The following FGD4 variants were observed in gnomAD, a reference collection of about 807,000 sequenced individuals.
FGD4 encodes FYVE, RhoGEF and PH domain-containing protein 4.
In FGD4, 42 loss-of-function variants were observed where a neutral mutation model predicts 102.0. The ratio of observed to expected loss-of-function variants is 0.41; its 90% CI spans 0.32 to 0.53. FGD4 has a LOEUF of 0.53. Among genes scored for constraint, FGD4 ranks in the 20% least tolerant of loss-of-function variants. The pLI is 0.21. For synonymous variants in FGD4, 380 were observed against 375.7 expected, an observed-to-expected ratio of 1.01 and a Z score of -0.13; for missense variants, 902 against 1,078.2, an observed-to-expected ratio of 0.84 and a Z score of 2.29.
At chr12:32,442,504 G>A (rs1942475352) in intron 1 of FGD4, among the ~76,000 whole-genome samples, 1 of 151,340 alleles carries the variant, frequency 6.6e-6, no homozygotes, top group African/African-American at 2.4e-5. Context: ...GGTGGGGTGG[G>A]GTGATAGATG....
At chr12:32,599,534 C>CTTTT (rs764106230) in intron 5 of FGD4, among the ~76,000 whole-genome samples, 762 of 35,354 alleles carry the variant, frequency 0.022, 204 homozygotes, top group East Asian at 0.11. Flanking sequence ...ACTAAGGCAT[C>CTTTT]TTTTTTTTTT....
chr12:32,453,605 C>T lies in FGD4; in HGVS notation c.166+53646C>T, dbSNP rs531562366. ...GGCTGATAAATTTTGTGTGCTCATCCTACAGAGAAGCAAAATGGTGTTCAG... is the reference window on the plus strand; with the variant it reads ...GGCTGATAAATTTTGTGTGCTCATCTTACAGAGAAGCAAAATGGTGTTCAG... On this transcript the variant is annotated intron_variant, in intron 1 of 16. Coordinates refer to ENST00000534526, the MANE Select transcript of FGD4 (RefSeq NM_001370298.3). Among the ~76,000 whole-genome samples, 25 of 152,174 alleles carry T rather than the reference C, an allele frequency of 1.6e-4. No homozygotes were observed. The South Asian group carries it at 2.3e-3, about 14-fold the overall frequency.
intron 1 of FGD4, among the ~76,000 whole-genome samples, chr12:32,462,870 A>C (rs1943145129): frequency 6.6e-6 from 1 of 152,200 alleles, no homozygotes; most frequent in Non-Finnish European, 1.5e-5. Context: ...CAGTGAGAAC[A>C]ACAAGAAAAT....
chr12:32,506,977 G>A lies in FGD4; in HGVS notation c.167-57160G>A, dbSNP rs548737094. 7.2e-5 allele frequency among the ~76,000 whole-genome samples: 11 copies of A among 151,948 alleles called. No individual in the cohort carries two copies. Among genetic ancestry groups the A allele is most frequent in the Middle Eastern group, 3.4e-3 (1 of 292 alleles). ...AAGTTTTAGGGCACATGTGCACAAC[G>A]TGCAGGTTAGTTACATATGTATACA... On this transcript the variant is annotated intron_variant, in intron 1 of 16. Transcript: ENST00000534526. This position sits in a 1 kb window ranked among gnomAD's most constrained non-coding sequence, Gnocchi z 4.5.
Position 32,451,857 on chromosome 12 carries a change from A to T in FGD4, c.166+51898A>T, listed in dbSNP as rs945128366. ...CTCAAAAAAAAAAAAAAAAAAAAAAAAAAAAAAGTAAGTTACTACTTAAGA... is the reference window on the plus strand; with the variant it reads ...CTCAAAAAAAAAAAAAAAAAAAAAATAAAAAAAGTAAGTTACTACTTAAGA... On this transcript the variant is annotated intron_variant, in intron 1 of 16. Coordinates refer to ENST00000534526, the MANE Select transcript of FGD4 (RefSeq NM_001370298.3). Among the ~76,000 whole-genome samples the T allele has an allele frequency of 3.3e-5, 5 of 150,626 alleles. 1 individual carries two copies. Among genetic ancestry groups the T allele is most frequent in the African/African-American group, 1.2e-4 (5 of 41,136 alleles).
At chr12:32,526,193 A>C (rs1941177728) in intron 1 of FGD4, among the ~76,000 whole-genome samples, 1 of 152,222 alleles carries the variant, frequency 6.6e-6, no homozygotes, top group African/African-American at 2.4e-5. Flanking sequence ...TAAATACACC[A>C]ATCAGCACCC....
chr12:32,512,950 G>A (rs1052675753), intron 1 of FGD4, among the ~76,000 whole-genome samples: 1 of 152,174 alleles, frequency 6.6e-6, no homozygotes, highest in Non-Finnish European at 1.5e-5. Context: ...TCACATCAAA[G>A]TTAGGTAGAT....
intron 7 of FGD4, among the ~76,000 whole-genome samples, chr12:32,605,581 C>T (rs1948726551): frequency 6.6e-6 from 1 of 152,210 alleles, no homozygotes. Flanking sequence ...TAGGTACAAA[C>T]AGCTGAGCAT....
intron 1 of FGD4, among the ~76,000 whole-genome samples, chr12:32,509,394 C>A (rs1337794176): frequency 6.6e-6 from 1 of 151,878 alleles, no homozygotes; most frequent in African/African-American, 2.4e-5. Context: ...AAGAAGTCCT[C>A]AGGTGGTTAG....
chr12:32,568,508 G>C (rs918483191), intron 2 of FGD4, among the ~76,000 whole-genome samples: 1 of 151,356 alleles, frequency 6.6e-6, no homozygotes, highest in African/African-American at 2.5e-5. Context: ...ACTCAAAATA[G>C]CTCCTTTAGT....
intron 10 of FGD4, among the ~76,000 whole-genome samples, chr12:32,615,646 G>A (rs1171803251): frequency 1.3e-5 from 2 of 151,922 alleles, no homozygotes; most frequent in Non-Finnish European, 2.9e-5. Flanking sequence ...AGGGCAGATC[G>A]GGGTGGGGTG....
Position 32,642,877 on chromosome 12 carries a change from TCAACC to T in FGD4, c.*2345_*2349del, listed in dbSNP as rs2137112504. 6.6e-6 allele frequency: 1 copy of T among 152,618 alleles called. No individual in the cohort carries two copies. Among genetic ancestry groups the T allele is most frequent in the South Asian group, 2.1e-4 (1 of 4,828 alleles). 9.5% of individuals were successfully genotyped at this position (152,618 alleles called of 1,614,324 possible). On this transcript the variant is annotated 3_prime_UTR_variant, in exon 17 of 17. Transcript: ENST00000534526. ...TACCCTTAGCCATTTATTAAACAAT[TCAACC>T]AAGAGACCTCAAAGTGTGATTGATG...
chr12:32,469,230 A>G (rs1943350118), intron 1 of FGD4, among the ~76,000 whole-genome samples: 2 of 152,130 alleles, frequency 1.3e-5, no homozygotes, highest in Non-Finnish European at 1.5e-5. Context: ...TTTTATTTAT[A>G]TATACTAGAA....
chr12:32,485,408 A>G (rs1943865189), intron 1 of FGD4, among the ~76,000 whole-genome samples: 1 of 151,860 alleles, frequency 6.6e-6, no homozygotes, highest in African/African-American at 2.4e-5. Flanking sequence ...ATGTCTGTCA[A>G]AAAGAATCCT....
intron 2 of FGD4, among the ~76,000 whole-genome samples, chr12:32,573,773 A>C (rs1031818170): frequency 1.3e-5 from 2 of 152,216 alleles, no homozygotes; most frequent in Non-Finnish European, 2.9e-5. Context: ...CTGTGTACCC[A>C]GTGTTCACTT....
intron 1 of FGD4, among the ~76,000 whole-genome samples, chr12:32,473,048 T>C (rs1286998426): frequency 4.0e-5 from 6 of 151,324 alleles, no homozygotes; most frequent in African/African-American, 1.5e-4. Context: ...TGGTGGGGCC[T>C]TGGAGAACCT....
chr12:32,603,047 C>T (rs1344146204), intron 7 of FGD4, among the ~76,000 whole-genome samples: 1 of 152,138 alleles, frequency 6.6e-6, no homozygotes, highest in African/African-American at 2.4e-5. Context: ...CACCTTAATT[C>T]TTGTAAAATG....
chr12:32,641,720 A>G lies in FGD4; in HGVS notation c.*1187A>G, dbSNP rs1951165259. On this transcript the variant is annotated 3_prime_UTR_variant, in exon 17 of 17. Coordinates refer to ENST00000534526, the MANE Select transcript of FGD4 (RefSeq NM_001370298.3). ...GCATGGTTAAATAAGGTCTCTATAT[A>G]ATGAACACTTAAGATAACTGTATGG... 6.6e-6 allele frequency: 1 copy of G among 152,148 alleles called. No individual in the cohort carries two copies. Among genetic ancestry groups the G allele is most frequent in the African/African-American group, 2.4e-5 (1 of 41,426 alleles). 9.4% of individuals were successfully genotyped at this position (152,148 alleles called of 1,614,324 possible). A position where few individuals can be genotyped will look rare whatever the true frequency, so the allele number is the denominator to read the frequency against.
intron 10 of FGD4, among the ~76,000 whole-genome samples, chr12:32,616,635 G>T (rs1403896398): frequency 6.6e-6 from 1 of 152,108 alleles, no homozygotes; most frequent in African/African-American, 2.4e-5. Flanking sequence ...TCTCTAGAAA[G>T]GTAATGAGGG....
Sources: gnomAD v4.1 joint callset for allele counts (sites outside exome capture counted in the v4.1 genomes callset) on GRCh38, gnomAD v4.1.1 for gene constraint, Gnocchi (gnomAD v3.1) non-coding constraint, MANE v1.5 for transcripts, NCBI Gene and HGNC (gene_info 2026-07-23, HGNC 2026-07-21) for gene names.